KAZN: variants seen among roughly 807,000 people sequenced by gnomAD.
The protein encoded by KAZN is kazrin, periplakin interacting protein.
KAZN carries 40 observed loss-of-function variants against 87.4 expected under a neutral mutation model. That is an observed-to-expected ratio of 0.46 (90% CI 0.36 to 0.60). The LOEUF (loss-of-function observed/expected upper bound fraction) is 0.60, where lower values mean the gene tolerates loss of function less well. Ranked by LOEUF, KAZN falls within the 20% of genes least tolerant of loss-of-function variation. KAZN has a pLI of 0.00. For missense variants in KAZN, 898 were observed against 1,073.9 expected (o/e 0.84, Z 2.29); for synonymous variants, 466 against 458.3 (o/e 1.02, Z -0.22).
intron 2 of KAZN, among the ~76,000 whole-genome samples, chr1:14,371,619 T>C (rs1390842322): frequency 6.6e-6 from 1 of 151,906 alleles, no homozygotes; most frequent in Non-Finnish European, 1.5e-5. Context: ...TAAAAAAAAA[T>C]AAAAGTTCCA....
At chr1:14,989,618 G>A (rs1667158991) in intron 2 of KAZN, among the ~76,000 whole-genome samples, 2 of 152,234 alleles carry the variant, frequency 1.3e-5, no homozygotes, top group Admixed American at 6.5e-5. Context: ...AGCATCTGCA[G>A]GACCTTGGGC....
At chr1:14,592,300 A>C (rs188848702) in intron 2 of KAZN, among the ~76,000 whole-genome samples, 311 of 152,298 alleles carry the variant, frequency 2.0e-3, no homozygotes, top group African/African-American at 7.2e-3. Flanking sequence ...TATGATCCAG[A>C]AAACAGAGAG....
chr1:14,418,887 C>T (rs567059403), intron 2 of KAZN, among the ~76,000 whole-genome samples: 89 of 152,318 alleles, frequency 5.8e-4, no homozygotes, highest in African/African-American at 2.1e-3. Context: ...GAAAATAAGG[C>T]TTCTGCATCT....
At chr1:14,268,311 A>C (rs565807979) in intron 2 of KAZN, among the ~76,000 whole-genome samples, 4 of 152,242 alleles carry the variant, frequency 2.6e-5, no homozygotes, top group African/African-American at 9.6e-5. Flanking sequence ...GGCCCGTTGC[A>C]GTGCCTAGCA....
chr1:15,074,017 T>C (rs1639629819), intron 8 of KAZN, among the ~76,000 whole-genome samples: 1 of 152,206 alleles, frequency 6.6e-6, no homozygotes, highest in African/African-American at 2.4e-5. Flanking sequence ...CCCAGCGCCT[T>C]CAGGGCCCCT....
chr1:14,884,547 A>G (rs2101121751), intron 1 of KAZN, among the ~76,000 whole-genome samples: 1 of 152,324 alleles, frequency 6.6e-6, no homozygotes. Flanking sequence ...AGTTCTCCAT[A>G]TTAAGGACGT....
intron 1 of KAZN, among the ~76,000 whole-genome samples, chr1:14,676,048 G>A (rs184110107): frequency 1.3e-5 from 2 of 152,268 alleles, no homozygotes; most frequent in African/African-American, 4.8e-5. Flanking sequence ...GGGAATGAAG[G>A]GGGAGAGTGA....
chr1:14,816,112 GTCT>G (rs1646556135), intron 1 of KAZN, among the ~76,000 whole-genome samples: 3 of 152,228 alleles, frequency 2.0e-5, no homozygotes, highest in Admixed American at 6.5e-5. Context: ...GATGGCTTAA[GTCT>G]TCTTCTGCTT....
At position 14,105,258 on chromosome 1, in the gene KAZN, T is replaced by A. The variant is rs186604030; in HGVS notation, c.92-75177T>A. Among the ~76,000 whole-genome samples, 4 of 152,278 alleles carry A rather than the reference T, an allele frequency of 2.6e-5. No homozygotes were observed. In the East Asian group the frequency reaches 7.7e-4, roughly 29 times the overall value. ...AAGAAGGATCAGGATCTGTTGAGTG[T>A]GTATAACAAAAAGAACCAACCCGAT... On this transcript the variant is annotated intron_variant, in intron 1 of 16. Transcript: ENST00000636203.
At chr1:13,991,437 GATA>G (rs1292082161) in intron 1 of KAZN, among the ~76,000 whole-genome samples, 1 of 147,480 alleles carries the variant, frequency 6.8e-6, no homozygotes, top group African/African-American at 2.5e-5. Context: ...CTTAAAGTAT[GATA>G]ATAAAAAAAG....
At chr1:14,243,615 G>A (rs1337157497) in intron 2 of KAZN, among the ~76,000 whole-genome samples, 1 of 152,164 alleles carries the variant, frequency 6.6e-6, no homozygotes, top group Non-Finnish European at 1.5e-5. Flanking sequence ...CTGTGTATTT[G>A]TTAAGATGAC....
chr1:13,957,506 G>A (rs959614233), intron 1 of KAZN, among the ~76,000 whole-genome samples: 5 of 152,142 alleles, frequency 3.3e-5, no homozygotes, highest in African/African-American at 1.2e-4. Flanking sequence ...AAGGGAATAT[G>A]TGAGGCTGGG....
At chr1:14,342,212 A>G (rs774497296) in intron 2 of KAZN, among the ~76,000 whole-genome samples, 3 of 152,190 alleles carry the variant, frequency 2.0e-5, no homozygotes, top group Non-Finnish European at 4.4e-5. Context: ...TATGTGTACC[A>G]TATTTTCTTT....
chr1:14,877,506 G>C (rs1652900025), intron 1 of KAZN, among the ~76,000 whole-genome samples: 1 of 152,180 alleles, frequency 6.6e-6, no homozygotes, highest in Admixed American at 6.5e-5. Context: ...AGTTGGGGAA[G>C]GGGAGGTTCT....
At chr1:14,179,648 T>C (rs1343970114) in intron 1 of KAZN, among the ~76,000 whole-genome samples, 2 of 152,220 alleles carry the variant, frequency 1.3e-5, no homozygotes, top group African/African-American at 4.8e-5. Flanking sequence ...CTGAAAATGA[T>C]AGAAATTCCA....
At chr1:14,864,300 C>T (rs1257602035) in intron 1 of KAZN, among the ~76,000 whole-genome samples, 2 of 152,206 alleles carry the variant, frequency 1.3e-5, no homozygotes, top group East Asian at 1.9e-4. Context: ...CGCGGTGGCT[C>T]ACGCCTGTAA....
At chr1:14,915,984 C>G (rs1012123723) in intron 1 of KAZN, among the ~76,000 whole-genome samples, 1 of 152,126 alleles carries the variant, frequency 6.6e-6, no homozygotes, top group Non-Finnish European at 1.5e-5. Context: ...GGGTAAGTGA[C>G]TTGACCTCTC....
intron 1 of KAZN, among the ~76,000 whole-genome samples, chr1:14,164,865 C>T (rs1318807814): frequency 6.6e-6 from 1 of 152,114 alleles, no homozygotes; most frequent in African/African-American, 2.4e-5. Flanking sequence ...GAGGCGGACT[C>T]ATTGTTGGGA....
chr1:13,920,392 C>G (rs1469977253), intron 1 of KAZN, among the ~76,000 whole-genome samples: 2 of 152,140 alleles, frequency 1.3e-5, no homozygotes, highest in African/African-American at 4.8e-5. Flanking sequence ...TCACACCATA[C>G]TGTTTTAATT....
Sources: gnomAD v4.1 joint callset for allele counts (sites outside exome capture counted in the v4.1 genomes callset) on GRCh38, gnomAD v4.1.1 for gene constraint, MANE v1.5 for transcripts, NCBI Gene and HGNC (gene_info 2026-07-23, HGNC 2026-07-21) for gene names.